GTF2IRD1: variants seen among roughly 807,000 people sequenced by gnomAD.
GTF2IRD1 encodes general transcription factor II-I repeat domain-containing protein 1.
Under a neutral mutation model 113.2 loss-of-function variants are expected in GTF2IRD1, and 26 were observed. That is an observed-to-expected ratio of 0.23 (90% CI 0.17 to 0.32). The LOEUF (loss-of-function observed/expected upper bound fraction) is 0.32, where lower values mean the gene tolerates loss of function less well. Among genes scored for constraint, GTF2IRD1 ranks in the 10% least tolerant of loss-of-function variants. The probability of loss-of-function intolerance (pLI) is 1.00; values close to 1 mark genes in which losing one functional copy is unlikely to be tolerated. For missense variants in GTF2IRD1, 864 were observed against 1,280.8 expected (o/e 0.67, Z 4.97); for synonymous variants, 484 against 529.1 (o/e 0.91, Z 1.17).
intron 1 of GTF2IRD1, among the ~76,000 whole-genome samples, chr7:74,502,943 G>T (rs1254219672): frequency 6.6e-6 from 1 of 152,122 alleles, no homozygotes; most frequent in Non-Finnish European, 1.5e-5. Flanking sequence ...GAGGCGGGCG[G>T]ATCACCTGAG....
At chr7:74,596,891 C>T (rs1374655664) in intron 25 of GTF2IRD1, among the ~76,000 whole-genome samples, 1 of 151,708 alleles carries the variant, frequency 6.6e-6, no homozygotes. Flanking sequence ...TGGCTGTGGA[C>T]CAAAAAGGTT....
At chr7:74,478,586 G>A (rs1443341837) in intron 1 of GTF2IRD1, among the ~76,000 whole-genome samples, 3 of 152,118 alleles carry the variant, frequency 2.0e-5, no homozygotes, top group African/African-American at 7.2e-5. Context: ...CTCCTGAGTA[G>A]CTGGGATTAC....
At chr7:74,526,408 G>A (rs1053552703) in intron 8 of GTF2IRD1, among the ~76,000 whole-genome samples, 1 of 152,178 alleles carries the variant, frequency 6.6e-6, no homozygotes, top group Non-Finnish European at 1.5e-5. Context: ...ACTGGTCGTG[G>A]GTGAGCAAAC....
chr7:74,488,871 G>A (rs558528807), intron 1 of GTF2IRD1, among the ~76,000 whole-genome samples: 2 of 152,072 alleles, frequency 1.3e-5, no homozygotes, highest in South Asian at 2.1e-4. Context: ...GCCTGGGCGC[G>A]GTGGTTCATT....
intron 22 of GTF2IRD1, among the ~76,000 whole-genome samples, chr7:74,585,127 T>C (rs1801647937): frequency 6.7e-6 from 1 of 149,582 alleles, no homozygotes; most frequent in Admixed American, 6.7e-5. Context: ...TTTTTTTTTT[T>C]TTTGAGACGG....
chr7:74,541,270 T>C (rs1329679247), intron 14 of GTF2IRD1, among the ~76,000 whole-genome samples: 1 of 151,838 alleles, frequency 6.6e-6, no homozygotes, highest in Non-Finnish European at 1.5e-5. Flanking sequence ...GCGAGGGTAC[T>C]GCTTGAGGCC....
chr7:74,510,046 C>G (rs73364486), intron 2 of GTF2IRD1, among the ~76,000 whole-genome samples: 5 of 151,976 alleles, frequency 3.3e-5, no homozygotes, highest in African/African-American at 1.2e-4. Context: ...CTCCTTCAAG[C>G]TGTTCCTGCT....
chr7:74,581,029 G>A (rs1175520196), intron 22 of GTF2IRD1, among the ~76,000 whole-genome samples: 1 of 152,028 alleles, frequency 6.6e-6, no homozygotes, highest in African/African-American at 2.4e-5. Context: ...TCTGGGGGGG[G>A]TTGGGGGGAG....
At chr7:74,484,969 T>C (rs1025442496) in intron 1 of GTF2IRD1, among the ~76,000 whole-genome samples, 2 of 152,234 alleles carry the variant, frequency 1.3e-5, no homozygotes, top group Non-Finnish European at 2.9e-5. Context: ...GGAGTGGATC[T>C]GAGAAATCGC....
At chr7:74,474,078 AAAAC>A (rs143360691) in intron 1 of GTF2IRD1, among the ~76,000 whole-genome samples, 73,087 of 146,660 alleles carry the variant, frequency 0.5, 19,884 homozygotes, top group Admixed American at 0.66. Flanking sequence ...ACAAAAAAAA[AAAAC>A]AAACAAAAAA....
At chr7:74,462,112 G>A (rs993402283) in intron 1 of GTF2IRD1, among the ~76,000 whole-genome samples, 5 of 152,062 alleles carry the variant, frequency 3.3e-5, no homozygotes, top group African/African-American at 7.2e-5. Flanking sequence ...GGTGGCTCAT[G>A]CCTGTAGCCC....
chr7:74,476,366 C>CTTTTT (rs61151844), intron 1 of GTF2IRD1, among the ~76,000 whole-genome samples: 13 of 122,136 alleles, frequency 1.1e-4, no homozygotes, highest in African/African-American at 9.8e-5. Context: ...TCTGAACCTC[C>CTTTTT]TTTTTTTTTT....
chr7:74,459,159 A>C lies in GTF2IRD1; in HGVS notation c.-7+4983A>C, dbSNP rs1305876347. On this transcript the variant is annotated intron_variant, in intron 1 of 26. Coordinates refer to ENST00000424337, the MANE Select transcript of GTF2IRD1 (RefSeq NM_005685.4). ...CATGCCCTGGAAATTTGCCCATTTAAGATAAGTTAGGGCCGGGTGCGGTGG... is the reference window on the plus strand; with the variant it reads ...CATGCCCTGGAAATTTGCCCATTTACGATAAGTTAGGGCCGGGTGCGGTGG... 4.6e-5 allele frequency among the ~76,000 whole-genome samples: 7 copies of C among 152,064 alleles called. No homozygotes were observed. In the East Asian group the frequency reaches 1.4e-3, roughly 29 times the overall value.
At chr7:74,586,733 C>T (rs1332103596) in intron 22 of GTF2IRD1, among the ~76,000 whole-genome samples, 1 of 152,186 alleles carries the variant, frequency 6.6e-6, no homozygotes, top group African/African-American at 2.4e-5. Flanking sequence ...AGCTTGCGCA[C>T]GGGAGGCCAA....
At chr7:74,502,474 C>T (rs1412540207) in intron 1 of GTF2IRD1, among the ~76,000 whole-genome samples, 1 of 152,214 alleles carries the variant, frequency 6.6e-6, no homozygotes, top group Non-Finnish European at 1.5e-5. Context: ...TGGCCCTGAG[C>T]GCCAGGTGCA....
At chr7:74,458,717 C>G (rs1302305633) in intron 1 of GTF2IRD1, among the ~76,000 whole-genome samples, 1 of 150,988 alleles carries the variant, frequency 6.6e-6, no homozygotes, top group Non-Finnish European at 1.5e-5. Flanking sequence ...TGCAGTGGCA[C>G]GATCCCAACT....
Position 74,474,045 on chromosome 7 carries a change from G to A in GTF2IRD1, c.-7+19869G>A, listed in dbSNP as rs1296896782. On this transcript the variant is annotated intron_variant, in intron 1 of 26. Transcript: ENST00000424337. ...TCGAGACCAGGCTGGCCAACGTGGC[G>A]AAACCCCATCTCTACTAAAAATACA... Among the ~76,000 whole-genome samples the A allele has an allele frequency of 6.0e-5, 9 of 148,996 alleles. No homozygotes were observed. The East Asian group carries it at 1.2e-3, about 20-fold the overall frequency.
At chr7:74,528,692 G>GGGAA (rs781904001) in intron 8 of GTF2IRD1, among the ~76,000 whole-genome samples, 429 of 150,794 alleles carry the variant, frequency 2.8e-3, no homozygotes, top group Non-Finnish European at 5.3e-3. Flanking sequence ...GAGGGAGGGA[G>GGGAA]GGAAGGAAAG....
At chr7:74,500,066 G>A (rs894655902) in intron 1 of GTF2IRD1, among the ~76,000 whole-genome samples, 1 of 152,224 alleles carries the variant, frequency 6.6e-6, no homozygotes, top group Non-Finnish European at 1.5e-5. Flanking sequence ...AGATGAGGGA[G>A]CCCCCATGTG....
Sources: gnomAD v4.1 joint callset for allele counts (sites outside exome capture counted in the v4.1 genomes callset) on GRCh38, gnomAD v4.1.1 for gene constraint, MANE v1.5 for transcripts, NCBI Gene and HGNC (gene_info 2026-07-23, HGNC 2026-07-21) for gene names.